TRMT1L: variants seen among roughly 807,000 people sequenced by gnomAD.
The protein encoded by TRMT1L is tRNA methyltransferase 1L, also known as tRNA (guanine(27)-N(2))-dimethyltransferase.
TRMT1L carries 28 observed loss-of-function variants against 81.6 expected under a neutral mutation model. That is an observed-to-expected ratio of 0.34 (90% CI 0.25 to 0.47). The LOEUF is 0.47. Ranked by LOEUF, TRMT1L falls within the 20% of genes least tolerant of loss-of-function variation. The pLI is 1.00. For synonymous variants in TRMT1L, 301 were observed against 303.2 expected (o/e 0.99, Z 0.07); for missense variants, 739 against 877.1 (o/e 0.84, Z 1.99).
chr1:185,148,109 ACTT>A (rs1359223747), intron 3 of TRMT1L, among the ~76,000 whole-genome samples: 1 of 152,114 alleles, frequency 6.6e-6, no homozygotes, highest in Non-Finnish European at 1.5e-5. Flanking sequence ...GTCCTGGATG[ACTT>A]CTTTTTTCCA....
intron 4 of TRMT1L, among the ~76,000 whole-genome samples, chr1:185,146,474 T>C (rs1653191414): frequency 6.6e-6 from 1 of 152,012 alleles, no homozygotes; most frequent in African/African-American, 2.4e-5. Context: ...TTACCCAAGG[T>C]TCCTTGTGGT....
At position 185,145,460 on chromosome 1, in the gene TRMT1L, T is replaced by C; in HGVS notation, c.634A>G (p.Thr212Ala). ...TTACCTGCAATATAACTAGATTTAG[T>C]CTCTCCTTTATTCATGTGGCGCCTA... Reference protein sequence around the residue: ...HVRRHMNKGETKSSYIAASTA... With the variant: ...HVRRHMNKGEAKSSYIAASTA... The change falls in exon 5 of 15, where the codon ACT (threonine) becomes GCT (alanine). Residue 212 changes from threonine (T) to alanine (A), a missense_variant. Physicochemically the swap from Thr to Ala is moderately conservative, Grantham distance 58. Transcript: ENST00000367506. The C allele has an allele frequency of 6.2e-7, 1 of 1,611,162 alleles. No individual in the cohort carries two copies. The highest frequency in any genetic ancestry group is 8.5e-7 in the Non-Finnish European group (1 of 1,178,004).
At chr1:185,132,648 T>A (rs1045728905) in intron 10 of TRMT1L, among the ~76,000 whole-genome samples, 1 of 151,938 alleles carries the variant, frequency 6.6e-6, no homozygotes, top group African/African-American at 2.4e-5. Flanking sequence ...TTTAGAATAC[T>A]GGGTTTAGAA....
At chr1:185,130,964 G>C (rs1447543616) in intron 10 of TRMT1L, among the ~76,000 whole-genome samples, 1 of 151,934 alleles carries the variant, frequency 6.6e-6, no homozygotes, top group Non-Finnish European at 1.5e-5. Flanking sequence ...AAGCAGACTG[G>C]TATCTTCTTA....
chr1:185,150,335 G>T, intron 3 of TRMT1L, 44 bp downstream of exon 3: 1 of 1,377,818 alleles, frequency 7.3e-7, no homozygotes, highest in South Asian at 1.3e-5. Context: ...AATAAATGTT[G>T]AATTTCATAT....
intron 9 of TRMT1L, among the ~76,000 whole-genome samples, chr1:185,138,359 T>C (rs1652952318): frequency 1.3e-5 from 2 of 152,170 alleles, no homozygotes; most frequent in Non-Finnish European, 2.9e-5. Flanking sequence ...TATTACATTA[T>C]AGACATTTTT....
At chr1:185,121,812 AGGGTATATGTGTAGGTTTGTTACGT>A (rs1363720490) in intron 13 of TRMT1L, among the ~76,000 whole-genome samples, 1 of 152,066 alleles carries the variant, frequency 6.6e-6, no homozygotes, top group Non-Finnish European at 1.5e-5. Flanking sequence ...TATCGATTAA[AGGGTATATGTGTAGGTTTGTTACGT>A]GGGTATATTG....
At chr1:185,139,235 AC>A (rs1164407207) in intron 9 of TRMT1L, 131 bp downstream of exon 9, 4 of 648,924 alleles carry the variant, frequency 6.2e-6, no homozygotes, top group African/African-American at 3.6e-5. Flanking sequence ...AAGATTAAAA[AC>A]CAGTATTACA....
rs12094038 is a variant in TRMT1L, at chr1:185,143,834, C to T, written c.779+72G>A. On this transcript the variant is annotated intron_variant, in intron 6 of 14. Coordinates refer to ENST00000367506, the MANE Select transcript of TRMT1L (RefSeq NM_030934.5). Reference sequence around the variant, plus strand: ...AGTTCTAAATTTTAATATATTAGAACATAAAGGTTAAGAGAAGGTACACTT... The same window carrying T: ...AGTTCTAAATTTTAATATATTAGAATATAAAGGTTAAGAGAAGGTACACTT... The T allele has an allele frequency of 1.6e-3, 2,107 of 1,315,316 alleles. 30 individuals carry two copies. The African/African-American group carries it at 0.028, about 18-fold the overall frequency. The allele number at this position is 1,315,316 out of a possible 1,614,324, so 81.5% of individuals were successfully genotyped here.
At chr1:185,131,583 ACTAGC>A (rs563137318) in intron 10 of TRMT1L, among the ~76,000 whole-genome samples, 196 of 152,240 alleles carry the variant, frequency 1.3e-3, no homozygotes, top group African/African-American at 4.5e-3. Context: ...TAATCACTTG[ACTAGC>A]CTAAAGAAAA....
At chr1:185,139,618 T>C (rs201806338) in intron 8 of TRMT1L, 39 bp from the exon 9 acceptor site, 1 of 1,431,178 alleles carries the variant, frequency 7.0e-7, no homozygotes, top group East Asian at 2.4e-5. Context: ...AAAGTCATAT[T>C]AGTAACAAAA....
At chr1:185,149,060 G>C (rs1324254603) in intron 3 of TRMT1L, among the ~76,000 whole-genome samples, 1 of 152,052 alleles carries the variant, frequency 6.6e-6, no homozygotes, top group African/African-American at 2.4e-5. Flanking sequence ...TATCCAAATG[G>C]AATATTATAA....
At chr1:185,156,356 C>G in intron 1 of TRMT1L, 122 bp downstream of exon 1, 3 of 1,606,802 alleles carry the variant, frequency 1.9e-6, no homozygotes, top group Non-Finnish European at 2.5e-6. Context: ...CTTTCCTCCC[C>G]ACCATTTTCC....
At chr1:185,148,841 T>C (rs1571356946) in intron 3 of TRMT1L, among the ~76,000 whole-genome samples, 2 of 152,202 alleles carry the variant, frequency 1.3e-5, no homozygotes, top group Non-Finnish European at 2.9e-5. Flanking sequence ...TAACTAATGA[T>C]AATCTTTTTA....
In TRMT1L at chr1:185,139,536, C is replaced by A. The variant is rs1175096492; in HGVS notation, c.1153G>T (p.Ala385Ser). Reference protein sequence around the residue: ...FGTSVNYLDSAFRNIRNLGIV... With the variant: ...FGTSVNYLDSSFRNIRNLGIV... ...CCAAGGTTTCTTATATTTCTGAATG[C>A]AGAATCTAGATAATTCACTGATGTT... The change falls in exon 9 of 15, where the codon GCA (alanine) becomes TCA (serine). Residue 385 changes from alanine to serine, a missense_variant. Around this residue, in one of 4 missense-constraint regions of TRMT1L, gnomAD observed 331 missense variants for 462.2 expected, o/e 0.72. Transcript: ENST00000367506. 1 of 1,613,636 alleles carries A rather than the reference C, an allele frequency of 6.2e-7. No individual in the cohort carries two copies. Among genetic ancestry groups the A allele is most frequent in the Non-Finnish European group, 8.5e-7 (1 of 1,179,924 alleles).
chr1:185,150,087 A>C (rs796962565), intron 3 of TRMT1L, among the ~76,000 whole-genome samples: 3 of 152,342 alleles, frequency 2.0e-5, no homozygotes, highest in African/African-American at 7.2e-5. Flanking sequence ...TGTAAAATAA[A>C]AGGAAAACTT....
intron 9 of TRMT1L, 83 bp downstream of exon 9, chr1:185,139,284 G>C: frequency 8.9e-7 from 1 of 1,125,218 alleles, no homozygotes; most frequent in African/African-American, 1.6e-5. Flanking sequence ...TGCATATTTT[G>C]AATAAGGTAA....
Position 185,137,767 on chromosome 1 carries a change from T to G in TRMT1L, c.1352A>C (p.Glu451Ala). The change falls in exon 10 of 15, where the codon GAA (glutamate) becomes GCA (alanine). Residue 451 changes from glutamate (E) to alanine (A), a missense_variant. Glu to Ala is a moderately radical substitution (Grantham distance 107). Transcript: ENST00000367506. ...RAAARCNKGI[E>A]VLFAVALEHF... is the part of the protein sequence containing the mutation. Reference sequence around the variant, plus strand: ...TTCCAGAGCCACTGCAAACAGTACTTCTATGCCTTTGTTGCATCGGGCTGC... The same window carrying G: ...TTCCAGAGCCACTGCAAACAGTACTGCTATGCCTTTGTTGCATCGGGCTGC... 6.2e-7 allele frequency: 1 copy of G among 1,613,830 alleles called. No homozygotes were observed. The highest frequency in any genetic ancestry group is 8.5e-7 in the Non-Finnish European group (1 of 1,179,966).
At chr1:185,140,922 G>T (rs1291268294) in intron 7 of TRMT1L, among the ~76,000 whole-genome samples, 1 of 148,042 alleles carries the variant, frequency 6.8e-6, no homozygotes, top group Non-Finnish European at 1.5e-5. Flanking sequence ...AGACTGAAGT[G>T]AGTCGAGATG....
Sources: allele counts gnomAD v4.1 joint callset (sites outside exome capture counted in the v4.1 genomes callset), GRCh38; gene constraint gnomAD v4.1.1; regional missense constraint gnomAD v4.1.1; transcripts MANE v1.5; gene names NCBI Gene and HGNC (gene_info 2026-07-23, HGNC 2026-07-21).